Variants in DIAPH2 observed in about 807,000 individuals in gnomAD.
The protein encoded by DIAPH2 is protein diaphanous homolog 2.
DIAPH2 carries 35 observed loss-of-function variants against 92.7 expected under a neutral mutation model. That is an observed-to-expected ratio of 0.38 (90% CI 0.29 to 0.50). The LOEUF (loss-of-function observed/expected upper bound fraction) is 0.50. Ranked by LOEUF, DIAPH2 falls within the 20% of genes least tolerant of loss-of-function variation. The probability of loss-of-function intolerance (pLI) is 0.94; values close to 1 mark genes in which losing one functional copy is unlikely to be tolerated. For synonymous variants in DIAPH2, 301 were observed against 280.4 expected, an observed-to-expected ratio of 1.07 and a Z score of -0.73; for missense variants, 701 against 819.5, an observed-to-expected ratio of 0.86 and a Z score of 1.77.
At chrX:97,082,116 A>G (rs1013898838) in intron 19 of DIAPH2, among the ~76,000 whole-genome samples, 1 of 109,382 alleles carries the variant, frequency 9.1e-6, no homozygotes, top group African/African-American at 3.3e-5. Flanking sequence ...AAAAAAAAAA[A>G]AAAAAAATTG....
intron 4 of DIAPH2, among the ~76,000 whole-genome samples, chrX:96,840,033 AT>A (rs2064925201): frequency 8.9e-6 from 1 of 112,543 alleles, no homozygotes; most frequent in Admixed American, 9.4e-5. Flanking sequence ...TTAATAATTT[AT>A]TTTATGTAAT....
chrX:96,776,545 G>T (rs1281597226), intron 4 of DIAPH2, among the ~76,000 whole-genome samples: 2 of 108,364 alleles, frequency 1.8e-5, no homozygotes, highest in East Asian at 2.8e-4. Context: ...TTTTCTCCAG[G>T]TATATTATAT....
intron 23 of DIAPH2, among the ~76,000 whole-genome samples, chrX:97,313,005 T>C (rs930370332): frequency 1.8e-5 from 2 of 109,704 alleles, no homozygotes; most frequent in Non-Finnish European, 3.8e-5. Context: ...GGTGAAATCC[T>C]GTCTCTACTA....
intron 23 of DIAPH2, among the ~76,000 whole-genome samples, chrX:97,339,669 G>A (rs149476186): frequency 0.012 from 1,294 of 112,106 alleles, 21 homozygotes; most frequent in African/African-American, 0.04. Flanking sequence ...TTAAAATGCT[G>A]CACACATTTT....
At chrX:97,344,902 T>G (rs889945298) in intron 23 of DIAPH2, among the ~76,000 whole-genome samples, 3 of 112,143 alleles carry the variant, frequency 2.7e-5, no homozygotes, top group Non-Finnish European at 5.6e-5. Context: ...TGCAAACAGT[T>G]TAGTAATTTG....
chrX:97,298,899 T>C (rs933759967), intron 23 of DIAPH2, among the ~76,000 whole-genome samples: 1 of 111,715 alleles, frequency 9.0e-6, no homozygotes, highest in Non-Finnish European at 1.9e-5. Flanking sequence ...ATTACAGGCG[T>C]GAGCCACCGT....
At chrX:96,714,662 A>C (rs1298135027) in intron 1 of DIAPH2, among the ~76,000 whole-genome samples, 1 of 112,289 alleles carries the variant, frequency 8.9e-6, no homozygotes, top group Non-Finnish European at 1.9e-5. Flanking sequence ...TACCTCTAGC[A>C]CTTAGCCTGG....
intron 26 of DIAPH2, among the ~76,000 whole-genome samples, chrX:97,530,742 A>G (rs767314578): frequency 4.8e-4 from 54 of 112,005 alleles, no homozygotes; most frequent in South Asian, 1.1e-3. Flanking sequence ...TTAAATTACT[A>G]TGATTAATAA....
chrX:96,685,318 G>T (rs1368129407), intron 1 of DIAPH2, 128 bp downstream of exon 1: 3 of 809,410 alleles, frequency 3.7e-6, no homozygotes, highest in Admixed American at 5.8e-5. Flanking sequence ...GCAACTCGGG[G>T]AGCCGCTAAA....
At chrX:96,854,962 A>C (rs1478559752) in intron 4 of DIAPH2, among the ~76,000 whole-genome samples, 1 of 110,049 alleles carries the variant, frequency 9.1e-6, no homozygotes, top group Non-Finnish European at 1.9e-5. Flanking sequence ...ATCTGAAATA[A>C]ACATTGAGAT....
intron 15 of DIAPH2, among the ~76,000 whole-genome samples, chrX:96,951,613 A>G (rs941409095): frequency 1.8e-5 from 2 of 111,700 alleles, no homozygotes; most frequent in African/African-American, 6.5e-5. Context: ...TTACAGGTGC[A>G]GGCACAGGGC....
At chrX:96,713,239 G>A (rs759387198) in intron 1 of DIAPH2, among the ~76,000 whole-genome samples, 31 of 111,717 alleles carry the variant, frequency 2.8e-4, no homozygotes, top group Middle Eastern at 4.6e-3. Flanking sequence ...ATGTCTTCCC[G>A]AGGTTTTGCA....
intron 17 of DIAPH2, among the ~76,000 whole-genome samples, chrX:97,059,115 C>T (rs983223146): frequency 3.6e-5 from 4 of 111,489 alleles, no homozygotes; most frequent in Non-Finnish European, 7.5e-5. Flanking sequence ...CTTTTGCTAT[C>T]TTAGCTACTC....
intron 17 of DIAPH2, among the ~76,000 whole-genome samples, chrX:97,013,416 T>C (rs1473663042): frequency 9.0e-6 from 1 of 111,351 alleles, no homozygotes; most frequent in African/African-American, 3.3e-5. Context: ...AAAGAAAAAG[T>C]GGGGGAGGGA....
intron 25 of DIAPH2, among the ~76,000 whole-genome samples, chrX:97,399,547 C>T (rs945079587): frequency 6.2e-5 from 7 of 112,240 alleles, no homozygotes; most frequent in African/African-American, 2.3e-4. Flanking sequence ...CTGCACCTCT[C>T]TCCCCTCCTT....
At chrX:97,342,568 G>A (rs1361290226) in intron 23 of DIAPH2, among the ~76,000 whole-genome samples, 6 of 111,955 alleles carry the variant, frequency 5.4e-5, no homozygotes, top group Non-Finnish European at 7.5e-5. Flanking sequence ...TTACATTGTC[G>A]TTATTGTTGA....
At chrX:97,212,808 G>A (rs748524576) in intron 22 of DIAPH2, among the ~76,000 whole-genome samples, 11 of 110,810 alleles carry the variant, frequency 9.9e-5, no homozygotes, top group Non-Finnish European at 1.5e-4. Flanking sequence ...TATTTAGGGT[G>A]TTGCTAAAAT....
chrX:96,748,031 T>A (rs762813682), intron 3 of DIAPH2, among the ~76,000 whole-genome samples: 1 of 112,008 alleles, frequency 8.9e-6, no homozygotes, highest in South Asian at 3.7e-4. Context: ...AAAACTCCTA[T>A]GACGAGCTTA....
chrX:97,157,066 G>A (rs778864090), intron 22 of DIAPH2, among the ~76,000 whole-genome samples: 1 of 111,226 alleles, frequency 9.0e-6, no homozygotes, highest in East Asian at 2.8e-4. Context: ...TGTAATCCCA[G>A]CACTTTGGGA....
Sources: allele counts gnomAD v4.1 joint callset (sites outside exome capture counted in the v4.1 genomes callset), GRCh38; gene constraint gnomAD v4.1.1; transcripts MANE v1.5; gene names NCBI Gene and HGNC (gene_info 2026-07-23, HGNC 2026-07-21).